The following CPO variants were observed in gnomAD, a reference collection of about 807,000 sequenced individuals.
CPO encodes carboxypeptidase O.
A neutral mutation model predicts 41.2 loss-of-function variants in CPO; 43 were observed. That is an observed-to-expected ratio of 1.04 (90% confidence interval 0.82 to 1.35). The LOEUF (loss-of-function observed/expected upper bound fraction) is 1.35. Ranked by LOEUF, CPO falls within the 40% of genes most tolerant of loss-of-function variation. The pLI, the probability that CPO is intolerant of heterozygous loss-of-function variation, is 0.00. For missense variants in CPO, 408 were observed against 451.7 expected, an observed-to-expected ratio of 0.90 and a Z score of 0.88; for synonymous variants, 178 against 162.7, an observed-to-expected ratio of 1.09 and a Z score of -0.72.
At chr2:206,943,710 A>AGATG (rs1559068325) in intron 1 of CPO, among the ~76,000 whole-genome samples, 1 of 75,766 alleles carries the variant, frequency 1.3e-5, no homozygotes. Context: ...ATAGATAGAT[A>AGATG]GATAGATGAT....
At chr2:206,954,354 C>T (rs1353435018) in intron 2 of CPO, among the ~76,000 whole-genome samples, 1 of 152,062 alleles carries the variant, frequency 6.6e-6, no homozygotes, top group Non-Finnish European at 1.5e-5. Flanking sequence ...CAAAGTTCCA[C>T]AGATCTCTAG....
rs1459498148 is a variant in CPO at position 206,962,426 on chromosome 2, A to G, written c.589A>G (p.Arg197Gly). 3 of 1,614,126 alleles carry G rather than the reference A, an allele frequency of 1.9e-6. No individual in the cohort carries two copies. Among genetic ancestry groups the G allele is most frequent in the South Asian group, 2.2e-5 (2 of 91,086 alleles). Residue 197 changes from arginine (R) to glycine (G), a missense_variant, in exon 7 of 9, where the codon AGA becomes GGA. Transcript: ENST00000272852. ...NASWCSIGAS[R>G]NCQDQTFCGT... ...CCATATTCTAGGTATTGGTGCCTCT[A>G]GAAACTGCCAAGATCAAACATTCTG... is the stretch of plus-strand genomic sequence containing the variant.
chr2:206,962,411 G>A lies in CPO; in HGVS notation c.575-1G>A, dbSNP rs1475390150. The A allele has an allele frequency of 2.5e-6, 4 of 1,613,662 alleles. No homozygotes were observed. The highest frequency in any genetic ancestry group is 3.4e-6 in the Non-Finnish European group (4 of 1,179,726). ...TCTTTGTGGTTTCTTCCATATTCTA[G>A]GTATTGGTGCCTCTAGAAACTGCCA... On this transcript the variant is annotated splice_acceptor_variant, in intron 6 of 8. Transcript: ENST00000272852. LOFTEE classifies it high-confidence loss of function.
intron 4 of CPO, among the ~76,000 whole-genome samples, 170 bp downstream of exon 4, chr2:206,958,575 GAATTA>G (rs1328129389): frequency 6.6e-6 from 1 of 152,008 alleles, no homozygotes; most frequent in Admixed American, 6.6e-5. Context: ...ACTGAAAACT[GAATTA>G]ATATTCTGAT....
At chr2:206,958,470 T>G in intron 4 of CPO, 65 bp downstream of exon 4, 1 of 855,790 alleles carries the variant, frequency 1.2e-6, no homozygotes, top group Non-Finnish European at 1.9e-6. Flanking sequence ...ACTTCTTGGC[T>G]GCTTACAAAC....
intron 1 of CPO, among the ~76,000 whole-genome samples, chr2:206,946,293 G>A (rs185892033): frequency 6.6e-6 from 1 of 152,234 alleles, no homozygotes; most frequent in East Asian, 1.9e-4. Flanking sequence ...CAACCAAGTG[G>A]AATTTGTCCC....
chr2:206,968,151 T>C (rs1442410866), intron 7 of CPO, 112 bp from the exon 8 acceptor site: 20 of 743,370 alleles, frequency 2.7e-5, no homozygotes, highest in Non-Finnish European at 4.3e-5. Context: ...CGATGGGAAG[T>C]TGGAAAGGTG....
intron 8 of CPO, 120 bp downstream of exon 8, chr2:206,968,467 A>G (rs571632053): frequency 3.0e-6 from 2 of 667,804 alleles, no homozygotes; most frequent in African/African-American, 3.6e-5. Context: ...AGGGAGTTGT[A>G]CAAATCAAAA....
At position 206,962,449 on chromosome 2, in the gene CPO, C is replaced by G; in HGVS notation, c.612C>G (p.Phe204Leu). Residue 204 changes from phenylalanine (F) to leucine (L), a missense_variant, in exon 7 of 9, where the codon TTC becomes TTG. Coordinates refer to ENST00000272852, the MANE Select transcript of CPO (RefSeq NM_173077.3). ...GASRNCQDQT[F>L]CGTGPVSEPE... ...CTAGAAACTGCCAAGATCAAACATT[C>G]TGTGGGACAGGGCCAGTGTCTGAAC... The G allele has an allele frequency of 6.2e-7, 1 of 1,614,150 alleles. No individual in the cohort carries two copies. The highest frequency in any genetic ancestry group is 8.5e-7 in the Non-Finnish European group (1 of 1,179,998).
At chr2:206,948,529 T>C (rs1221677968) in intron 1 of CPO, among the ~76,000 whole-genome samples, 2 of 152,154 alleles carry the variant, frequency 1.3e-5, no homozygotes, top group African/African-American at 2.4e-5. Context: ...TTTAGGAGGC[T>C]GAGGCAGGAG....
chr2:206,967,650 T>C (rs1193744176), intron 7 of CPO, among the ~76,000 whole-genome samples: 2 of 152,048 alleles, frequency 1.3e-5, no homozygotes, highest in Non-Finnish European at 2.9e-5. Flanking sequence ...TGAGGAATGG[T>C]AGGAAAATGA....
At chr2:206,955,066 C>A (rs557585054) in intron 2 of CPO, among the ~76,000 whole-genome samples, 1 of 152,118 alleles carries the variant, frequency 6.6e-6, no homozygotes, top group Non-Finnish European at 1.5e-5. Flanking sequence ...AAGATATCAC[C>A]GGGATCTGTA....
chr2:206,962,170 T>C (rs1369629666), intron 6 of CPO, among the ~76,000 whole-genome samples: 1 of 151,802 alleles, frequency 6.6e-6, no homozygotes, highest in Admixed American at 6.6e-5. Context: ...TCCCGGGCCA[T>C]GGAAGCATGG....
chr2:206,964,675 T>G (rs1021107521), intron 7 of CPO, among the ~76,000 whole-genome samples: 1 of 152,214 alleles, frequency 6.6e-6, no homozygotes, highest in Non-Finnish European at 1.5e-5. Flanking sequence ...ATTTCTTCAA[T>G]AAAGAAATCT....
chr2:206,950,922 G>C, intron 2 of CPO, among the ~76,000 whole-genome samples: 1 of 136,968 alleles, frequency 7.3e-6, no homozygotes, highest in African/African-American at 2.7e-5. Context: ...ACCGGGGCCA[G>C]TTGTGGGTGG....
intron 1 of CPO, among the ~76,000 whole-genome samples, chr2:206,948,765 A>C (rs888713232): frequency 6.6e-6 from 1 of 152,198 alleles, no homozygotes; most frequent in African/African-American, 2.4e-5. Flanking sequence ...TGTTTCAAAA[A>C]CAAAACAAAA....
At chr2:206,965,476 C>G (rs1265075552) in intron 7 of CPO, among the ~76,000 whole-genome samples, 1 of 152,144 alleles carries the variant, frequency 6.6e-6, no homozygotes. Context: ...ACATGATAGA[C>G]AGCTTGGCAA....
chr2:206,947,376 A>G (rs146853864), intron 1 of CPO, among the ~76,000 whole-genome samples: 7 of 152,344 alleles, frequency 4.6e-5, no homozygotes, highest in African/African-American at 1.7e-4. Context: ...CTAGACATAG[A>G]CATCGCACCT....
At chr2:206,950,145 T>C (rs1167961020) in intron 2 of CPO, among the ~76,000 whole-genome samples, 1 of 152,200 alleles carries the variant, frequency 6.6e-6, no homozygotes, top group Non-Finnish European at 1.5e-5. Context: ...ACACATGCAG[T>C]AGTTCTCAAG....
Sources: allele counts gnomAD v4.1 joint callset (sites outside exome capture counted in the v4.1 genomes callset), GRCh38; gene constraint gnomAD v4.1.1; transcripts MANE v1.5; gene names NCBI Gene and HGNC (gene_info 2026-07-23, HGNC 2026-07-21).